SLC36A1: variants seen among roughly 807,000 people sequenced by gnomAD.
SLC36A1 encodes the protein proton-coupled amino acid transporter 1.
Under a neutral mutation model 47.5 loss-of-function variants are expected in SLC36A1, and 30 were observed. The observed-to-expected ratio is 0.63, with a 90% CI of 0.47 to 0.86. The LOEUF (loss-of-function observed/expected upper bound fraction) is 0.86, where lower values mean the gene tolerates loss of function less well. SLC36A1 is among the 40% of genes least tolerant of loss of function. The probability of loss-of-function intolerance (pLI) is 0.00; values close to 1 mark genes in which losing one functional copy is unlikely to be tolerated. For synonymous variants in SLC36A1, 255 were observed against 249.7 expected (o/e 1.02, Z -0.20); for missense variants, 517 against 606.0 (o/e 0.85, Z 1.54).
At position 151,490,758 on chromosome 5, in the gene SLC36A1, C is replaced by T. The variant is rs1760040847; in HGVS notation, c.*2504C>T. ...GGAAGGGCAGCTCCAGCCAGAGGACCTTCCTGGCTATGCAGGTGCACAGCT... is the reference window on the plus strand; with the variant it reads ...GGAAGGGCAGCTCCAGCCAGAGGACTTTCCTGGCTATGCAGGTGCACAGCT... On this transcript the variant is annotated 3_prime_UTR_variant, in exon 11 of 11. Transcript: ENST00000243389. 2 of 152,238 alleles carry T rather than the reference C, an allele frequency of 1.3e-5. No individual in the cohort carries two copies. Among genetic ancestry groups the T allele is most frequent in the East Asian group, 3.9e-4 (2 of 5,194 alleles). 9.4% of individuals were successfully genotyped at this position (152,238 alleles called of 1,614,324 possible).
chr5:151,442,819 G>A (rs572855984), upstream of SLC36A1, among the ~76,000 whole-genome samples: 1 of 151,694 alleles, frequency 6.6e-6, no homozygotes, highest in South Asian at 2.1e-4. Flanking sequence ...CTGGGCCCTG[G>A]TCACCACTGT....
chr5:151,543,919 G>A, the SLC36A1 span: 1 of 1,614,040 alleles, frequency 6.2e-7, no homozygotes, highest in Non-Finnish European at 8.5e-7. Context: ...AGGGTCAATA[G>A]CCTGGACTTT....
chr5:151,399,065 A>AATATAT, the SLC36A1 span, among the ~76,000 whole-genome samples: 936 of 66,576 alleles, frequency 0.014, 19 homozygotes, highest in South Asian at 0.019. Context: ...TGTGTGTGTA[A>AATATAT]ATATATATAT....
At chr5:151,526,394 A>T in the SLC36A1 span, among the ~76,000 whole-genome samples, 194 of 152,356 alleles carry the variant, frequency 1.3e-3, no homozygotes, top group Non-Finnish European at 2.1e-3. Flanking sequence ...CCTGCATGCA[A>T]TATGTATCTG....
chr5:151,420,934 G>A, the SLC36A1 span, among the ~76,000 whole-genome samples: 4 of 149,442 alleles, frequency 2.7e-5, no homozygotes, highest in East Asian at 2.0e-4. Context: ...GCAGTGGCAC[G>A]ATCTCTGTGC....
At chr5:151,460,858 A>T (rs1474187194) in intron 2 of SLC36A1, among the ~76,000 whole-genome samples, 2 of 149,886 alleles carry the variant, frequency 1.3e-5, no homozygotes, top group Non-Finnish European at 3.0e-5. Context: ...AAATACATGG[A>T]AGTACTTCTA....
the SLC36A1 span, among the ~76,000 whole-genome samples, chr5:151,500,347 C>T: frequency 6.6e-6 from 1 of 151,312 alleles, no homozygotes; most frequent in South Asian, 2.1e-4. Flanking sequence ...GATGATAGTA[C>T]CTACCTCATT....
At chr5:151,532,908 T>C in the SLC36A1 span, among the ~76,000 whole-genome samples, 2 of 152,218 alleles carry the variant, frequency 1.3e-5, no homozygotes, top group Non-Finnish European at 2.9e-5. Flanking sequence ...AAGAGTTGAA[T>C]TTATATCCAT....
chr5:151,368,421 T>C, the SLC36A1 span, among the ~76,000 whole-genome samples: 1 of 152,262 alleles, frequency 6.6e-6, no homozygotes, highest in African/African-American at 2.4e-5. Flanking sequence ...TTTGCCACTC[T>C]GCAGTGTTAG....
chr5:151,469,350 C>T, intron 7 of SLC36A1: 2 of 656,542 alleles, frequency 3.0e-6, no homozygotes, highest in South Asian at 3.3e-5. Flanking sequence ...ACATGTTCAT[C>T]TACCTTGCTT....
the SLC36A1 span, among the ~76,000 whole-genome samples, chr5:151,530,276 T>C: frequency 2.0e-5 from 3 of 148,596 alleles, no homozygotes; most frequent in Non-Finnish European, 4.4e-5. Flanking sequence ...GCCAGTTAGC[T>C]CTTATGTGCG....
chr5:151,347,158 C>T, the SLC36A1 span: 1 of 1,011,702 alleles, frequency 9.9e-7, no homozygotes, highest in South Asian at 1.3e-5. Flanking sequence ...CTTGACTCAG[C>T]CCATGACTGC....
the SLC36A1 span, among the ~76,000 whole-genome samples, chr5:151,547,748 A>G: frequency 6.6e-6 from 1 of 152,234 alleles, no homozygotes; most frequent in South Asian, 2.1e-4. Context: ...ATTATATAAT[A>G]TCACACTGCT....
At chr5:151,510,340 CA>C in the SLC36A1 span, 2 of 711,066 alleles carry the variant, frequency 2.8e-6, no homozygotes, top group East Asian at 5.5e-5. Flanking sequence ...CCTGCTGAAC[CA>C]AGAGCACTTT....
chr5:151,506,070 G>T, the SLC36A1 span: 3 of 1,534,720 alleles, frequency 2.0e-6, no homozygotes, highest in Non-Finnish European at 2.6e-6. Flanking sequence ...GTAAGTAGGG[G>T]GCCAGACCAT....
At chr5:151,533,317 A>T in the SLC36A1 span, among the ~76,000 whole-genome samples, 1 of 151,530 alleles carries the variant, frequency 6.6e-6, no homozygotes, top group Admixed American at 6.6e-5. Flanking sequence ...TCCAGCTCTG[A>T]TGTATTCCAG....
At chr5:151,460,985 G>A (rs552768100) in intron 2 of SLC36A1, among the ~76,000 whole-genome samples, 36 of 151,414 alleles carry the variant, frequency 2.4e-4, no homozygotes, top group African/African-American at 8.5e-4. Flanking sequence ...AGTTTCATGG[G>A]TTACTTCCTT....
At chr5:151,364,818 C>G in the SLC36A1 span, among the ~76,000 whole-genome samples, 1 of 152,126 alleles carries the variant, frequency 6.6e-6, no homozygotes, top group African/African-American at 2.4e-5. Flanking sequence ...TTTCTTCCAT[C>G]TCTTGGCATA....
the SLC36A1 span, chr5:151,527,096 G>A: frequency 1.2e-6 from 1 of 831,078 alleles, no homozygotes; most frequent in Non-Finnish European, 1.9e-6. Flanking sequence ...CCCTCCAGCA[G>A]TCTGTGTTGC....
Sources: allele counts gnomAD v4.1 joint callset (sites outside exome capture counted in the v4.1 genomes callset), GRCh38; gene constraint gnomAD v4.1.1; transcripts MANE v1.5; gene names NCBI Gene and HGNC (gene_info 2026-07-23, HGNC 2026-07-21).